The following GNAS-AS1 variants were observed in gnomAD, a reference collection of about 807,000 sequenced individuals.
GNAS-AS1 encodes GNAS antisense RNA 1 (non-protein coding).
intron 4 of GNAS-AS1, among the ~76,000 whole-genome samples, chr20:58,830,475 TCATCACCATCACCAC>T (rs2085555606): frequency 8.2e-5 from 4 of 48,982 alleles, no homozygotes; most frequent in Non-Finnish European, 7.8e-5. Flanking sequence ...CACACCACCA[TCATCACCATCACCAC>T]CATCACCACC....
intron 1 of GNAS-AS1, among the ~76,000 whole-genome samples, chr20:58,849,782 G>T (rs2086082941): frequency 6.6e-6 from 1 of 152,182 alleles, no homozygotes; most frequent in Non-Finnish European, 1.5e-5. Context: ...CCTTCACCGT[G>T]CTAGGTCTCT....
At chr20:58,827,251 C>T (rs1250155585) in intron 4 of GNAS-AS1, among the ~76,000 whole-genome samples, 1 of 152,142 alleles carries the variant, frequency 6.6e-6, no homozygotes, top group African/African-American at 2.4e-5. Flanking sequence ...GCCCCACAAG[C>T]AGAGCAGGAA....
intron 4 of GNAS-AS1, chr20:58,839,364 G>A (rs1178697179): frequency 2.5e-6 from 1 of 399,552 alleles, no homozygotes; most frequent in Non-Finnish European, 4.4e-6. Context: ...TGTATAGACA[G>A]ACCCTCATTC....
chr20:58,846,454 C>T (rs2085943827), intron 2 of GNAS-AS1, among the ~76,000 whole-genome samples: 1 of 152,186 alleles, frequency 6.6e-6, no homozygotes, highest in Non-Finnish European at 1.5e-5. Context: ...AGACCTGGTC[C>T]AAAAATTCCA....
rs1209487203 is a variant in GNAS-AS1 at position 58,840,599 on chromosome 20, G to A, written n.819+1338C>T. On this transcript the variant is annotated intron_variant and non_coding_transcript_variant, in intron 4 of 4. Coordinates refer to ENST00000424094, the Ensembl canonical transcript of GNAS-AS1. The surrounding 1 kb of genome is among the most constrained non-coding windows in gnomAD (Gnocchi z 6.0). Reference sequence around the variant, plus strand: ...CCAGTCCCTCACCCAGCGTCTGCACGCTCTCAAGTTGCGAAGCCCCGACGC... The same window carrying A: ...CCAGTCCCTCACCCAGCGTCTGCACACTCTCAAGTTGCGAAGCCCCGACGC... 7.5e-6 allele frequency: 12 copies of A among 1,610,292 alleles called. No homozygotes were observed. The highest frequency in any genetic ancestry group is 1.1e-5 in the South Asian group (1 of 91,046).
At chr20:58,836,989 G>A (rs984938972) in intron 4 of GNAS-AS1, among the ~76,000 whole-genome samples, 24 of 152,032 alleles carry the variant, frequency 1.6e-4, no homozygotes, top group African/African-American at 5.8e-4. Context: ...AGGCAATCTC[G>A]GTGTATCTAT....
chr20:58,839,072 C>G, intron 4 of GNAS-AS1: 1 of 398,554 alleles, frequency 2.5e-6, no homozygotes, highest in Non-Finnish European at 4.4e-6. Flanking sequence ...GCTCTCAGCT[C>G]CAGTCCACTT....
chr20:58,820,720 A>G (rs1332018221), intron 4 of GNAS-AS1, among the ~76,000 whole-genome samples: 1 of 152,266 alleles, frequency 6.6e-6, no homozygotes, highest in Non-Finnish European at 1.5e-5. Flanking sequence ...CACATCTTAC[A>G]TGGATGGCAG....
intron 4 of GNAS-AS1, among the ~76,000 whole-genome samples, chr20:58,831,026 A>T (rs1248231928): frequency 6.6e-6 from 1 of 152,224 alleles, no homozygotes; most frequent in Non-Finnish European, 1.5e-5. Flanking sequence ...CAAGGCATAG[A>T]CAAAGGATGA....
intron 4 of GNAS-AS1, among the ~76,000 whole-genome samples, chr20:58,828,201 T>C (rs1167538708): frequency 2.0e-5 from 3 of 152,228 alleles, no homozygotes; most frequent in Non-Finnish European, 4.4e-5. Flanking sequence ...GCCAGGCTGA[T>C]TACTAAAGAC....
chr20:58,850,808 G>A (rs1045426430), exon 1 of GNAS-AS1: 4 of 398,628 alleles, frequency 1.0e-5, no homozygotes, highest in African/African-American at 8.2e-5. Flanking sequence ...AGCGGTCCTC[G>A]TGGTCTTCCA....
At chr20:58,849,971 C>T (rs1353555226) in intron 1 of GNAS-AS1, among the ~76,000 whole-genome samples, 1 of 152,188 alleles carries the variant, frequency 6.6e-6, no homozygotes, top group African/African-American at 2.4e-5. Context: ...CCTCATACTC[C>T]ATGGCATCCT....
intron 4 of GNAS-AS1, among the ~76,000 whole-genome samples, chr20:58,837,327 T>G (rs1327758352): frequency 6.6e-6 from 1 of 152,110 alleles, no homozygotes. Context: ...GAAGCGGAGA[T>G]GAGGATTTGA....
At position 58,840,057 on chromosome 20, in the gene GNAS-AS1, T is replaced by G. The variant is rs1243582999; in HGVS notation, n.819+1880A>C. Reference sequence around the variant, plus strand: ...AGCAGCCAATGTGCTTCGGAGCCACTCTCTGCAGAGCCAGAGGGCAGGCCG... The same window carrying G: ...AGCAGCCAATGTGCTTCGGAGCCACGCTCTGCAGAGCCAGAGGGCAGGCCG... On this transcript the variant is annotated intron_variant and non_coding_transcript_variant, in intron 4 of 4. Transcript: ENST00000424094. The surrounding 1 kb of genome is among the most constrained non-coding windows in gnomAD (Gnocchi z 6.0). 6 of 1,598,468 alleles carry G rather than the reference T, an allele frequency of 3.8e-6. No individual in the cohort carries two copies. The highest frequency in any genetic ancestry group is 5.1e-6 in the Non-Finnish European group (6 of 1,173,758).
At position 58,827,298 on chromosome 20, in the gene GNAS-AS1, C is replaced by A. The variant is rs2145453576; in HGVS notation, n.820-8043G>T. 2.0e-5 allele frequency among the ~76,000 whole-genome samples: 3 copies of A among 152,254 alleles called. No homozygotes were observed. In the Middle Eastern group the frequency reaches 0.01, roughly 518 times the overall value. On this transcript the variant is annotated intron_variant and non_coding_transcript_variant, in intron 4 of 4. Coordinates refer to ENST00000424094, the Ensembl canonical transcript of GNAS-AS1. ...GCCCTCTCTCCTGACTCATAGAGGG[C>A]CTGGGGATGCCACAGGTCTTACTGT...
At chr20:58,824,257 G>T (rs899470206) in intron 4 of GNAS-AS1, among the ~76,000 whole-genome samples, 4 of 152,250 alleles carry the variant, frequency 2.6e-5, no homozygotes, top group Admixed American at 6.5e-5. Flanking sequence ...AAGCTGACGG[G>T]CAGCGCAGCT....
chr20:58,827,718 G>A (rs994145340), intron 4 of GNAS-AS1, among the ~76,000 whole-genome samples: 4 of 152,232 alleles, frequency 2.6e-5, no homozygotes, highest in Non-Finnish European at 1.5e-5. Context: ...AGGCTGCAAT[G>A]TGAAGCCCAA....
At chr20:58,830,304 CCACCACCACCA>C in intron 4 of GNAS-AS1, among the ~76,000 whole-genome samples, 1 of 145,376 alleles carries the variant, frequency 6.9e-6, no homozygotes, top group African/African-American at 2.6e-5. Flanking sequence ...ACCACCATCA[CCACCACCACCA>C]CACCATCATC....
intron 4 of GNAS-AS1, among the ~76,000 whole-genome samples, chr20:58,832,986 C>T (rs916420191): frequency 6.6e-6 from 1 of 152,232 alleles, no homozygotes; most frequent in Admixed American, 6.5e-5. Context: ...CTGGCGGCTA[C>T]AACTCCTGTC....
Sources: allele counts gnomAD v4.1 joint callset (sites outside exome capture counted in the v4.1 genomes callset), GRCh38; gene constraint gnomAD v4.1.1; non-coding constraint Gnocchi (gnomAD v3.1); transcripts MANE v1.5; gene names NCBI Gene and HGNC (gene_info 2026-07-23, HGNC 2026-07-21).